ATM: variants seen among roughly 807,000 people sequenced by gnomAD.
ATM encodes the protein serine-protein kinase ATM.
Under a neutral mutation model 387.0 loss-of-function variants are expected in ATM, and 308 were observed. The observed-to-expected ratio is 0.80, with a 90% CI of 0.73 to 0.87. The LOEUF (loss-of-function observed/expected upper bound fraction) is 0.87. Among genes scored for constraint, ATM ranks in the 40% least tolerant of loss-of-function variants. ATM has a pLI of 0.00. For missense variants in ATM, 3,312 were observed against 3,560.9 expected (o/e 0.93, Z 1.78); for synonymous variants, 1,156 against 1,187.3 (o/e 0.97, Z 0.54).
rs774232968 is a variant in ATM, at chr11:108,333,947, T to C, written c.7989T>C (p.Val2663=). Residue 2663 remains valine, a synonymous_variant, in exon 54 of 63, where the codon GTT becomes GTC. Transcript: ENST00000675843. ...AACTTAAGAATTTAGAAGATGTTGT[T>C]GTCCCTACTATGGAAATTAAGGTAA... ...ITKLKNLEDV[V]VPTMEIKVDH... 3.7e-6 allele frequency: 6 copies of C among 1,610,914 alleles called. No individual in the cohort carries two copies. The African/African-American group carries it at 8.0e-5, about 22-fold the overall frequency.
At chr11:108,321,490 TAAAAACTATAG>T (rs2085215535) in intron 45 of ATM, 70 bp downstream of exon 45, 9 of 1,607,194 alleles carry the variant, frequency 5.6e-6, no homozygotes, top group African/African-American at 1.3e-5. Flanking sequence ...CTTTAAAAAA[TAAAAACTATAG>T]GCCGGGCACG....
chr11:108,347,131 G>A, intron 58 of ATM, 148 bp from the exon 59 acceptor site: 1 of 692,294 alleles, frequency 1.4e-6, no homozygotes, highest in Non-Finnish European at 2.6e-6. Context: ...AACTCAACAT[G>A]GCCGGTTATG....
intron 23 of ATM, among the ~76,000 whole-genome samples, chr11:108,280,201 A>G (rs937439628): frequency 1.8e-4 from 27 of 152,312 alleles, no homozygotes; most frequent in Non-Finnish European, 2.5e-4. Context: ...AAGAATTTCA[A>G]TAGATTAGAA....
intron 22 of ATM, among the ~76,000 whole-genome samples, chr11:108,278,803 C>A (rs187265650): frequency 2.6e-5 from 4 of 152,032 alleles, no homozygotes; most frequent in Non-Finnish European, 4.4e-5. Context: ...CCCATGACTC[C>A]GACACCTCCC....
In ATM at chr11:108,251,883, C is replaced by T. The variant is rs1199781239; in HGVS notation, c.1654C>T (p.Pro552Ser). The change falls in exon 11 of 63, where the codon CCA becomes TCA. Residue 552 changes from proline (P) to serine (S), a missense_variant. This residue lies in a region of ATM where 1,791 missense variants were observed against 1,804.5 expected (regional missense o/e 0.99). Coordinates refer to ENST00000675843, the MANE Select transcript of ATM (RefSeq NM_000051.4). ...TTTGGCACTGACCACCAGTATAGTT[C>T]CAGGAACGGTAAAAATGGGAATAGA... is the stretch of plus-strand genomic sequence containing the variant. ...LTLALTTSIV[P>S]GTVKMGIEQN... The T allele has an allele frequency of 1.2e-6, 2 of 1,613,786 alleles. No individual in the cohort carries two copies. The highest frequency in any genetic ancestry group is 1.7e-6 in the Non-Finnish European group (2 of 1,179,846).
At position 108,290,958 on chromosome 11, in the gene ATM, G is replaced by A. The variant is rs189334841; in HGVS notation, c.4436+1157G>A. ...ACTATAGAATTGGGGTTGTTCGGCC[G>A]GGTGTAGTGGCTCACGCCTGTAATC... On this transcript the variant is annotated intron_variant, in intron 29 of 62. Transcript: ENST00000675843. Among the ~76,000 whole-genome samples, 3 of 151,794 alleles carry A rather than the reference G, an allele frequency of 2.0e-5. No homozygotes were observed. In the East Asian group the frequency reaches 5.9e-4, roughly 30 times the overall value.
chr11:108,353,988 G>A, intron 60 of ATM, 108 bp downstream of exon 60: 2 of 1,081,286 alleles, frequency 1.8e-6, no homozygotes, highest in Admixed American at 1.8e-5. Context: ...GGCTGAAGTG[G>A]GAGGATTGTT....
chr11:108,289,980 G>C, intron 29 of ATM, 179 bp downstream of exon 29: 1 of 573,196 alleles, frequency 1.7e-6, no homozygotes. Context: ...TCCTCACCCT[G>C]CCGGGTAGCT....
In ATM at chr11:108,310,222, C is replaced by T. The variant is rs730881394; in HGVS notation, c.5825C>T (p.Ala1942Val). 8 of 1,613,392 alleles carry T rather than the reference C, an allele frequency of 5.0e-6. No homozygotes were observed. The highest frequency in any genetic ancestry group is 5.9e-6 in the Non-Finnish European group (7 of 1,179,724). Reference protein sequence around the residue: ...FWLDLNYLEVAKVAQSCAAHF... With the variant: ...FWLDLNYLEVVKVAQSCAAHF... Reference sequence around the variant, plus strand: ...CTGGATTTAAATTATCTAGAAGTTGCCAAGGTAGCTCAGTCTTGTGCTGCT... The same window carrying T: ...CTGGATTTAAATTATCTAGAAGTTGTCAAGGTAGCTCAGTCTTGTGCTGCT... The change falls in exon 39 of 63, where the codon GCC becomes GTC. Residue 1942 changes from alanine to valine, a missense_variant. Coordinates refer to ENST00000675843, the MANE Select transcript of ATM (RefSeq NM_000051.4).
chr11:108,279,432 G>C (rs1293779420), intron 22 of ATM, 59 bp from the exon 23 acceptor site: 95 of 1,202,776 alleles, frequency 7.9e-5, no homozygotes, highest in Non-Finnish European at 1.1e-4. Context: ...TGGAAAGTAG[G>C]GTTTGAAATT....
At position 108,365,528 on chromosome 11, in the gene ATM, C is replaced by A. The variant is rs768241804; in HGVS notation, c.*20C>A. 5 of 1,612,288 alleles carry A rather than the reference C, an allele frequency of 3.1e-6. No homozygotes were observed. In the Middle Eastern group the frequency reaches 5.0e-4, roughly 160 times the overall value. On this transcript the variant is annotated 3_prime_UTR_variant, in exon 63 of 63. Coordinates refer to ENST00000675843, the MANE Select transcript of ATM (RefSeq NM_000051.4). ...GTGTGATCTTCAGTATATGAATTACCCTTTCATTCAGCCTTTAGAAATTAT... is the reference window on the plus strand; with the variant it reads ...GTGTGATCTTCAGTATATGAATTACACTTTCATTCAGCCTTTAGAAATTAT...
At chr11:108,257,321 C>G (rs1485781787) in intron 14 of ATM, among the ~76,000 whole-genome samples, 160 bp from the exon 15 acceptor site, 1 of 152,212 alleles carries the variant, frequency 6.6e-6, no homozygotes, top group Non-Finnish European at 1.5e-5. Flanking sequence ...TTTGCTTATA[C>G]TGTATGACTA....
intron 59 of ATM, among the ~76,000 whole-genome samples, chr11:108,350,871 T>C (rs2089119242): frequency 6.6e-6 from 1 of 151,750 alleles, no homozygotes; most frequent in Non-Finnish European, 1.5e-5. Context: ...CTTTGGAATA[T>C]TGTTTGGCAT....
At chr11:108,251,256 G>C (rs1371707920) in intron 10 of ATM, among the ~76,000 whole-genome samples, 184 bp downstream of exon 10, 1 of 152,106 alleles carries the variant, frequency 6.6e-6, no homozygotes, top group African/African-American at 2.4e-5. Context: ...AGTTTCAAAT[G>C]TTGACAAATT....
rs1591654672 is a variant in ATM, at chr11:108,287,390, T to G, written c.3994-210T>G. 4 of 385,924 alleles carry G rather than the reference T, an allele frequency of 1.0e-5. No homozygotes were observed. The East Asian group carries it at 1.7e-4, about 17-fold the overall frequency. The allele number at this position is 385,924 out of a possible 1,614,324, so 23.9% of individuals were successfully genotyped here. A position where few individuals can be genotyped will look rare whatever the true frequency, so the allele number is the denominator to read the frequency against. On this transcript the variant is annotated intron_variant, in intron 26 of 62. Transcript: ENST00000675843. ...TTAAGGGGGCCTTGTTTGGCTGATT[T>G]TCATACTTTTTCCTCTTAGTCTACA...
chr11:108,241,738 C>CTTTTTTTTTT (rs1235260816), intron 5 of ATM, among the ~76,000 whole-genome samples: 4 of 82,090 alleles, frequency 4.9e-5, no homozygotes, highest in Non-Finnish European at 9.9e-5. Flanking sequence ...GTCTTTCTTT[C>CTTTTTTTTTT]TTTCTTTTTT....
intron 56 of ATM, chr11:108,340,099 T>C (rs1243606420): frequency 1.3e-5 from 2 of 152,224 alleles, no homozygotes; most frequent in Non-Finnish European, 2.9e-5. Context: ...CAAAGTGTAT[T>C]GTTAGAGATG....
intron 16 of ATM, among the ~76,000 whole-genome samples, chr11:108,260,030 CTTT>C (rs754362678): frequency 5.5e-4 from 52 of 94,592 alleles, no homozygotes; most frequent in African/African-American, 1.7e-3. Flanking sequence ...CTTATCTGCT[CTTT>C]TTTTTTTTTT....
At chr11:108,340,906 T>A (rs2087479118) in intron 56 of ATM, among the ~76,000 whole-genome samples, 1 of 152,196 alleles carries the variant, frequency 6.6e-6, no homozygotes, top group South Asian at 2.1e-4. Flanking sequence ...GTTTTTAAAA[T>A]TTTTATTTTT....
Sources: gnomAD v4.1 joint callset for allele counts (sites outside exome capture counted in the v4.1 genomes callset) on GRCh38, gnomAD v4.1.1 for gene constraint, gnomAD v4.1.1 regional missense constraint, MANE v1.5 for transcripts, NCBI Gene and HGNC (gene_info 2026-07-23, HGNC 2026-07-21) for gene names.